PLIN2: variants seen among roughly 807,000 people sequenced by gnomAD.
The protein encoded by PLIN2 is perilipin-2.
In PLIN2, 33 loss-of-function variants were observed where a neutral mutation model predicts 30.6. That is an observed-to-expected ratio of 1.08 (90% confidence interval 0.82 to 1.44). PLIN2 has a LOEUF of 1.44. PLIN2 is among the 40% of genes most tolerant of loss of function. The pLI is 0.00. For missense variants in PLIN2, 610 were observed against 531.8 expected (o/e 1.15, Z -1.45); for synonymous variants, 205 against 201.1 (o/e 1.02, Z -0.16).
At chr9:19,122,965 A>G (rs760558588) in intron 4 of PLIN2, among the ~76,000 whole-genome samples, 9 of 152,206 alleles carry the variant, frequency 5.9e-5, no homozygotes, top group Non-Finnish European at 1.2e-4. Context: ...CAATGGCAAA[A>G]TCACCTAATG....
At chr9:19,109,754 G>C (rs375203283) in intron 2 of PLIN2, among the ~76,000 whole-genome samples, 3 of 151,612 alleles carry the variant, frequency 2.0e-5, no homozygotes, top group African/African-American at 7.3e-5. Context: ...TCAGGAGTTC[G>C]AGACCAGCCT....
chr9:19,124,295 C>T (rs1818364245), intron 3 of PLIN2, among the ~76,000 whole-genome samples: 1 of 152,106 alleles, frequency 6.6e-6, no homozygotes, highest in South Asian at 2.1e-4. Flanking sequence ...TATCTGGAAA[C>T]TCTCTCAAAA....
intron 7 of PLIN2, among the ~76,000 whole-genome samples, chr9:19,117,195 C>G (rs955778881): frequency 2.0e-5 from 3 of 151,910 alleles, no homozygotes; most frequent in African/African-American, 7.3e-5. Context: ...GGGTCTCAGT[C>G]TGTTGCCCAG....
chr9:19,126,473 A>G (rs1361619910), intron 1 of PLIN2, 25 bp from the exon 2 acceptor site: 2 of 1,461,714 alleles, frequency 1.4e-6, no homozygotes, highest in Non-Finnish European at 1.9e-6. Flanking sequence ...CTTATTTCAG[A>G]ACACCGGGAT....
At chr9:19,126,013 G>GC in intron 3 of PLIN2, 101 bp downstream of exon 3, 1 of 877,372 alleles carries the variant, frequency 1.1e-6, no homozygotes. Flanking sequence ...GGCAGTGTAT[G>GC]CCCCAGGAAG....
Position 19,118,301 on chromosome 9 carries a change from G to T in PLIN2, c.912+20C>A. ...AGAACTTCTTCAGCAACCAACAAAT[G>T]ACCGTCCCAGTCATCTTACCTCAGC... is the stretch of plus-strand genomic sequence containing the variant. On this transcript the variant is annotated intron_variant, in intron 7 of 7. Coordinates refer to ENST00000276914, the MANE Select transcript of PLIN2 (RefSeq NM_001122.4). 1 of 1,578,346 alleles carries T rather than the reference G, an allele frequency of 6.3e-7. No individual in the cohort carries two copies. Among genetic ancestry groups the T allele is most frequent in the Non-Finnish European group, 8.6e-7 (1 of 1,165,278 alleles).
At chr9:19,120,810 GTA>G (rs1818302038) in intron 5 of PLIN2, 68 bp downstream of exon 5, 1 of 1,218,818 alleles carries the variant, frequency 8.2e-7, no homozygotes, top group Admixed American at 1.7e-5. Context: ...CAAGATGAGA[GTA>G]TATGTCAATG....
chr9:19,111,730 C>G (rs1344212965), downstream of PLIN2, among the ~76,000 whole-genome samples: 1 of 152,230 alleles, frequency 6.6e-6, no homozygotes, highest in African/African-American at 2.4e-5. Context: ...AAGTCTTTGG[C>G]TTAAGCTGAC....
At chr9:19,110,383 T>C (rs1818142889) in intron 2 of PLIN2, among the ~76,000 whole-genome samples, 1 of 152,206 alleles carries the variant, frequency 6.6e-6, no homozygotes, top group Admixed American at 6.5e-5. Flanking sequence ...ATAACGGTGA[T>C]GGTTGTATAA....
intron 3 of PLIN2, chr9:19,125,716 G>T (rs1818384818): frequency 6.2e-6 from 1 of 161,392 alleles, no homozygotes; most frequent in Non-Finnish European, 1.4e-5. Context: ...GGATCACAAA[G>T]TCAGGAGTTA....
intron 7 of PLIN2, among the ~76,000 whole-genome samples, chr9:19,117,240 G>A (rs892083092): frequency 4.6e-5 from 7 of 150,846 alleles, no homozygotes; most frequent in East Asian, 2.0e-4. Flanking sequence ...GGCTCACTGC[G>A]GACCCGACCT....
At chr9:19,119,340 G>C (rs1588644261) in intron 6 of PLIN2, among the ~76,000 whole-genome samples, 1 of 152,208 alleles carries the variant, frequency 6.6e-6, no homozygotes, top group Non-Finnish European at 1.5e-5. Flanking sequence ...TCTTGAATCA[G>C]TCCCTTAGAG....
At chr9:19,111,221 G>A (rs1349627490), downstream of PLIN2, among the ~76,000 whole-genome samples, 1 of 152,026 alleles carries the variant, frequency 6.6e-6, no homozygotes, top group Non-Finnish European at 1.5e-5. Context: ...GCTAATTTTT[G>A]TATCTTTAGT....
At chr9:19,123,169 C>T (rs1818345399) in intron 4 of PLIN2, 2 of 587,638 alleles carry the variant, frequency 3.4e-6, no homozygotes, top group Non-Finnish European at 6.0e-6. Flanking sequence ...TTTTTGTCAA[C>T]ACTGGCTAGC....
rs547372627 is a variant in PLIN2 at position 19,126,913 on chromosome 9, G to C, written c.-22-465C>G. ...AAAAATTAGCCGGGCGTGGTGGCGG[G>C]CGCCTGTTATCCCAGCTGCTCTGGA... On this transcript the variant is annotated intron_variant, in intron 1 of 7. Coordinates refer to ENST00000276914, the MANE Select transcript of PLIN2 (RefSeq NM_001122.4). 1.5e-3 allele frequency among the ~76,000 whole-genome samples: 235 copies of C among 152,190 alleles called. 4 individuals are homozygous for C. Among genetic ancestry groups the C allele is most frequent in the Non-Finnish European group, 5.3e-4 (36 of 68,016 alleles).
In PLIN2 at chr9:19,119,663, G is replaced by A. The variant is rs1740374107; in HGVS notation, c.764C>T (p.Ser255Phe). Residue 255 changes from serine (S) to phenylalanine (F), a missense_variant, in exon 6 of 8, where the codon TCT becomes TTT. By Grantham distance (155) the Ser-to-Phe change is radical. Coordinates refer to ENST00000276914, the MANE Select transcript of PLIN2 (RefSeq NM_001122.4). ...KSQQTISQLH[S>F]TVHLIEFARK... ...AGTTTTACTCACCAGGTGAACAGTA[G>A]AATGGAGCTGAGAAATGGTCTGTTG... 2 of 1,594,470 alleles carry A rather than the reference G, an allele frequency of 1.3e-6. No homozygotes were observed. Among genetic ancestry groups the A allele is most frequent in the Non-Finnish European group, 1.7e-6 (2 of 1,168,564 alleles).
At position 19,119,807 on chromosome 9, in the gene PLIN2, C is replaced by G; in HGVS notation, c.620G>C (p.Gly207Ala). 3.2e-6 allele frequency: 5 copies of G among 1,561,694 alleles called. No homozygotes were observed. The highest frequency in any genetic ancestry group is 4.3e-6 in the Non-Finnish European group (5 of 1,152,710). ...ELEKEAKKVE[G>A]FDLVQKPSYY... ...ACTTGGCTTCTGAACCAGATCAAAT[C>G]CTTCAACTTTTTTTGCTTCTTTTTC... is the stretch of plus-strand genomic sequence containing the variant. Residue 207 changes from glycine to alanine, a missense_variant, in exon 6 of 8, where the codon GGA becomes GCA. By Grantham distance (60) the Gly-to-Ala change is moderately conservative. Coordinates refer to ENST00000276914, the MANE Select transcript of PLIN2 (RefSeq NM_001122.4).
intron 3 of PLIN2, 175 bp downstream of exon 3, chr9:19,125,939 G>T: frequency 1.9e-6 from 1 of 529,354 alleles, no homozygotes; most frequent in South Asian, 2.8e-5. Context: ...AAAAAAAAAG[G>T]AAAGAAAAGA....
rs369960006 is a variant in PLIN2 at position 19,126,187 on chromosome 9, C to T, written c.153G>A (p.Glu51=). ...CGGAGGTGATGGTCTTCACACCGTT[C>T]TCTGCCATCTCACACACAGACTTCA... ...PYLKSVCEMA[E]NGVKTITSVA... The change falls in exon 3 of 8, where the codon GAG becomes GAA. Residue 51 remains glutamate (E), a synonymous_variant. Coordinates refer to ENST00000276914, the MANE Select transcript of PLIN2 (RefSeq NM_001122.4). The T allele has an allele frequency of 1.2e-6, 2 of 1,614,152 alleles. No homozygotes were observed. The highest frequency in any genetic ancestry group is 1.7e-5 in the Admixed American group (1 of 60,014).
Sources: allele counts gnomAD v4.1 joint callset (sites outside exome capture counted in the v4.1 genomes callset), GRCh38; gene constraint gnomAD v4.1.1; transcripts MANE v1.5; gene names NCBI Gene and HGNC (gene_info 2026-07-23, HGNC 2026-07-21).